KLF12: variants seen among roughly 807,000 people sequenced by gnomAD.
KLF12 encodes the protein KLF transcription factor 12.
KLF12 carries 9 observed loss-of-function variants against 37.8 expected under a neutral mutation model. The observed-to-expected ratio is 0.24, with a 90% CI of 0.14 to 0.42. KLF12 has a LOEUF of 0.42. KLF12 is among the 10% of genes least tolerant of loss of function. The probability of loss-of-function intolerance (pLI) is 1.00; values close to 1 mark genes in which losing one functional copy is unlikely to be tolerated. For missense variants in KLF12, 411 were observed against 516.0 expected, an observed-to-expected ratio of 0.80 and a Z score of 1.97; for synonymous variants, 208 against 202.1, an observed-to-expected ratio of 1.03 and a Z score of -0.25.
intron 6 of KLF12, among the ~76,000 whole-genome samples, chr13:73,725,142 C>G (rs111628285): frequency 3.7e-4 from 56 of 152,114 alleles, no homozygotes; most frequent in Middle Eastern, 3.4e-3. Flanking sequence ...TGCTCTGTTG[C>G]CAAGCTGGAG....
chr13:74,181,680 C>G, the KLF12 span, among the ~76,000 whole-genome samples: 1 of 135,360 alleles, frequency 7.4e-6, no homozygotes, highest in Admixed American at 8.4e-5. Flanking sequence ...GCCTGGGTGA[C>G]AGCAGAGTGA....
intron 6 of KLF12, among the ~76,000 whole-genome samples, chr13:73,738,508 C>T (rs1202515754): frequency 2.0e-5 from 3 of 151,830 alleles, no homozygotes; most frequent in Non-Finnish European, 4.4e-5. Context: ...TGTGAAAAAT[C>T]GACAAGTAGT....
intron 3 of KLF12, among the ~76,000 whole-genome samples, chr13:73,885,066 A>G (rs1887156690): frequency 6.6e-6 from 1 of 152,150 alleles, no homozygotes; most frequent in African/African-American, 2.4e-5. Context: ...CTCTACTCTA[A>G]TTACTTTCCT....
chr13:73,931,288 T>C (rs1429102909), intron 3 of KLF12, among the ~76,000 whole-genome samples: 1 of 152,232 alleles, frequency 6.6e-6, no homozygotes, highest in East Asian at 1.9e-4. Flanking sequence ...GTATTATGTA[T>C]ACAATTTCAC....
intron 1 of KLF12, among the ~76,000 whole-genome samples, chr13:74,129,863 G>T (rs2139022515): frequency 6.6e-6 from 1 of 152,296 alleles, no homozygotes; most frequent in East Asian, 1.9e-4. Context: ...CATAATTACT[G>T]ACAATATAGA....
the KLF12 span, among the ~76,000 whole-genome samples, chr13:74,142,409 A>T: frequency 6.6e-6 from 1 of 152,348 alleles, no homozygotes; most frequent in South Asian, 2.1e-4. Flanking sequence ...AGACAAACTG[A>T]TTGCTGGTTT....
At chr13:73,715,821 A>G (rs1189089475) in intron 6 of KLF12, among the ~76,000 whole-genome samples, 6 of 152,246 alleles carry the variant, frequency 3.9e-5, no homozygotes, top group Non-Finnish European at 8.8e-5. Flanking sequence ...CATTATCAGA[A>G]GAAACAATCT....
chr13:74,233,030 C>T, the KLF12 span, among the ~76,000 whole-genome samples: 2 of 152,030 alleles, frequency 1.3e-5, no homozygotes, highest in African/African-American at 4.8e-5. Flanking sequence ...GGACTACAGG[C>T]GCGTTCCACC....
At chr13:73,896,642 A>G (rs1887783730) in intron 3 of KLF12, among the ~76,000 whole-genome samples, 3 of 152,216 alleles carry the variant, frequency 2.0e-5, no homozygotes, top group African/African-American at 7.2e-5. Context: ...AGCATTTTTA[A>G]TATGTAATAA....
At chr13:73,821,191 C>T (rs1883505572) in intron 4 of KLF12, among the ~76,000 whole-genome samples, 1 of 151,992 alleles carries the variant, frequency 6.6e-6, no homozygotes, top group African/African-American at 2.4e-5. Context: ...TAGTTGCTGC[C>T]CTAGGTTTCG....
the KLF12 span, among the ~76,000 whole-genome samples, chr13:74,199,350 C>A: frequency 6.6e-6 from 1 of 152,068 alleles, no homozygotes; most frequent in East Asian, 1.9e-4. Context: ...TTCTCATTAC[C>A]CAGAAGTGTG....
the KLF12 span, among the ~76,000 whole-genome samples, chr13:74,253,945 A>G: frequency 6.6e-6 from 1 of 152,202 alleles, no homozygotes; most frequent in African/African-American, 2.4e-5. Context: ...CAGAATTTCT[A>G]AAACTTATTT....
chr13:73,735,957 C>CT lies in KLF12; in HGVS notation c.870-20433dup, dbSNP rs10699962. 9.7e-4 allele frequency among the ~76,000 whole-genome samples: 142 copies of CT among 146,832 alleles called. 2 individuals carry two copies. In the South Asian group the frequency reaches 0.018, roughly 18 times the overall value. On this transcript the variant is annotated intron_variant, in intron 6 of 7. Transcript: ENST00000377669. Reference sequence around the variant, plus strand: ...GCACTGATTTTCTTTCTTTCTTTTTCTTTTTTTTTTTACCTGCTTCAAGTT... The same window carrying CT: ...GCACTGATTTTCTTTCTTTCTTTTTCTTTTTTTTTTTTACCTGCTTCAAGTT...
chr13:74,117,954 A>G (rs890999405), intron 1 of KLF12, among the ~76,000 whole-genome samples: 3 of 151,350 alleles, frequency 2.0e-5, no homozygotes, highest in Non-Finnish European at 4.4e-5. Context: ...CTAAAAGAGA[A>G]AGTAGACATT....
chr13:74,200,824 C>G, the KLF12 span, among the ~76,000 whole-genome samples: 2 of 151,902 alleles, frequency 1.3e-5, no homozygotes, highest in East Asian at 3.9e-4. Context: ...AATTGCAAAC[C>G]CTATAAGGTA....
intron 1 of KLF12, among the ~76,000 whole-genome samples, chr13:74,004,704 C>T (rs1487401151): frequency 6.6e-6 from 1 of 152,090 alleles, no homozygotes; most frequent in African/African-American, 2.4e-5. Flanking sequence ...AAAAGAAAAA[C>T]ATATTCCAAA....
intron 6 of KLF12, among the ~76,000 whole-genome samples, chr13:73,753,665 TA>T (rs68139735): frequency 0.5 from 70,182 of 141,666 alleles, 18,081 homozygotes; most frequent in East Asian, 0.78. Flanking sequence ...CTACCAAGTG[TA>T]AAAAAAAAAA....
chr13:74,187,246 C>T, the KLF12 span, among the ~76,000 whole-genome samples: 1 of 151,926 alleles, frequency 6.6e-6, no homozygotes, highest in African/African-American at 2.4e-5. Context: ...ATCACTCGAA[C>T]CCAGATGATT....
At chr13:73,829,249 G>T (rs1884018634) in intron 4 of KLF12, among the ~76,000 whole-genome samples, 1 of 152,170 alleles carries the variant, frequency 6.6e-6, no homozygotes, top group African/African-American at 2.4e-5. Flanking sequence ...AAAGCAAAAG[G>T]CTGAAAAATT....
Sources: gnomAD v4.1 joint callset for allele counts (sites outside exome capture counted in the v4.1 genomes callset) on GRCh38, gnomAD v4.1.1 for gene constraint, MANE v1.5 for transcripts, NCBI Gene and HGNC (gene_info 2026-07-23, HGNC 2026-07-21) for gene names.